The following MROH2A variants were observed in gnomAD, a reference collection of about 807,000 sequenced individuals.
MROH2A encodes maestro heat-like repeat-containing protein family member 2A.
A neutral mutation model predicts 200.4 loss-of-function variants in MROH2A; 174 were observed. The ratio of observed to expected loss-of-function variants is 0.87; its 90% CI spans 0.77 to 0.98. The LOEUF (loss-of-function observed/expected upper bound fraction) is 0.98, where lower values mean the gene tolerates loss of function less well. MROH2A is among the 50% of genes least tolerant of loss of function. MROH2A has a pLI of 0.00. For synonymous variants in MROH2A, 829 were observed against 840.4 expected (o/e 0.99, Z 0.23); for missense variants, 2,045 against 2,139.6 (o/e 0.96, Z 0.87).
intron 27 of MROH2A, among the ~76,000 whole-genome samples, chr2:233,817,790 C>A (rs1357683157): frequency 6.6e-6 from 1 of 152,262 alleles, no homozygotes; most frequent in East Asian, 1.9e-4. Flanking sequence ...CCAGGGCCCA[C>A]AGATCCAGGC....
At chr2:233,809,416 C>A in intron 22 of MROH2A, 138 bp downstream of exon 22, 1 of 958,142 alleles carries the variant, frequency 1.0e-6, no homozygotes, top group Non-Finnish European at 1.5e-6. Context: ...CGTGGGAAGC[C>A]CATTGCCCAA....
At chr2:233,776,694 G>A (rs1366927507), upstream of MROH2A, among the ~76,000 whole-genome samples, 3 of 151,926 alleles carry the variant, frequency 2.0e-5, no homozygotes, top group African/African-American at 7.3e-5. Flanking sequence ...TTACACACTC[G>A]ACCTGTGTGT....
chr2:233,818,159 C>G (rs549203825), intron 28 of MROH2A, 34 bp downstream of exon 28: 1 of 1,547,714 alleles, frequency 6.5e-7, no homozygotes, highest in East Asian at 2.4e-5. Flanking sequence ...ACCAGCTCCT[C>G]TGGGAGGGAG....
rs1239864067 is a variant in MROH2A at position 233,800,206 on chromosome 2, C to T, written c.1451C>T (p.Thr484Ile). Reference protein sequence around the residue: ...VQLTLSTYKLTNRREKFYQRD... With the variant: ...VQLTLSTYKLINRREKFYQRD... ...GAATCCCTTGGTTCTTTCTTCCAGACAAATCGCCGGGAGAAGTTTTATCAG... is the reference window on the plus strand; with the variant it reads ...GAATCCCTTGGTTCTTTCTTCCAGATAAATCGCCGGGAGAAGTTTTATCAG... Residue 484 changes from threonine (T) to isoleucine (I), a missense_variant and splice_region_variant, in exon 14 of 42, where the codon ACA becomes ATA. Transcript: ENST00000389758. The T allele has an allele frequency of 9.1e-6, 14 of 1,545,560 alleles. No individual in the cohort carries two copies. The South Asian group carries it at 1.7e-4, about 19-fold the overall frequency.
chr2:233,833,072 A>G, intron 41 of MROH2A, 66 bp from the exon 42 acceptor site: 1 of 1,465,242 alleles, frequency 6.8e-7, no homozygotes, highest in Non-Finnish European at 9.0e-7. Context: ...ATCACTGCCC[A>G]GGGCATGCAG....
At chr2:233,802,516 A>C (rs997483584) in intron 15 of MROH2A, 3 of 603,250 alleles carry the variant, frequency 5.0e-6, no homozygotes, top group African/African-American at 1.8e-5. Context: ...AATTGTGTAA[A>C]CTTCCTTTGG....
At chr2:233,784,461 A>G (rs1020887245) in intron 3 of MROH2A, among the ~76,000 whole-genome samples, 1 of 152,196 alleles carries the variant, frequency 6.6e-6, no homozygotes, top group Admixed American at 6.5e-5. Flanking sequence ...AAAATATGGT[A>G]TATTCTGGAG....
At chr2:233,779,901 A>G in intron 3 of MROH2A, 49 bp downstream of exon 3, 1 of 1,422,316 alleles carries the variant, frequency 7.0e-7, no homozygotes. Flanking sequence ...CTCTGTGTGC[A>G]TCCATCCACC....
At chr2:233,803,989 A>C in intron 16 of MROH2A, 62 bp from the exon 17 acceptor site, 1 of 1,526,980 alleles carries the variant, frequency 6.5e-7, no homozygotes, top group Non-Finnish European at 8.8e-7. Flanking sequence ...GAGGACAAAG[A>C]GCTCCAAGAC....
chr2:233,833,036 C>A (rs2124942749), intron 41 of MROH2A, 102 bp from the exon 42 acceptor site: 1 of 1,392,990 alleles, frequency 7.2e-7, no homozygotes. Context: ...TCTGCCCCTG[C>A]CCACCTTCTG....
chr2:233,794,539 G>A (rs1441672418), intron 8 of MROH2A, 33 bp downstream of exon 8: 1 of 1,203,744 alleles, frequency 8.3e-7, no homozygotes, highest in Non-Finnish European at 1.2e-6. Flanking sequence ...CTCTGGGCAG[G>A]AGGCTTAGGG....
intron 31 of MROH2A, 38 bp from the exon 32 acceptor site, chr2:233,822,086 C>T (rs1265078407): frequency 1.3e-6 from 2 of 1,529,766 alleles, no homozygotes; most frequent in Admixed American, 2.0e-5. Context: ...GGGCACATGC[C>T]AGGAAACTCA....
Position 233,822,418 on chromosome 2 carries a change from C to T in MROH2A, c.3728C>T (p.Pro1243Leu), listed in dbSNP as rs922644797. ...AAGCTGGATGAGAATGACAAGCTCC[C>T]GGACTTCCTCCCTGACCTCATCTAC... Reference protein sequence around the residue: ...IQKLDENDKLPDFLPDLIYTL... With the variant: ...IQKLDENDKLLDFLPDLIYTL... The change falls in exon 33 of 42, where the codon CCG becomes CTG. Residue 1243 changes from proline to leucine, a missense_variant. By Grantham distance (98) the Pro-to-Leu change is moderately conservative (BLOSUM62 -3). Around this residue, in one of 3 missense-constraint regions of MROH2A, gnomAD observed 1,201 missense variants for 1,311.3 expected, o/e 0.92. Transcript: ENST00000389758. 14 of 1,547,896 alleles carry T rather than the reference C, an allele frequency of 9.0e-6. No individual in the cohort carries two copies. In the African/African-American group the frequency reaches 9.7e-5, roughly 11 times the overall value.
rs754762706 is a variant in MROH2A, at chr2:233,804,181, G to A, written c.1880G>A (p.Arg627Gln). Residue 627 changes from arginine (R) to glutamine (Q), a missense_variant, in exon 17 of 42, where the codon CGG becomes CAG. This residue lies in a region of MROH2A where 13 missense variants were observed against 28.3 expected (regional missense o/e 0.46). Coordinates refer to ENST00000389758, the MANE Select transcript of MROH2A (RefSeq NM_001394639.1). ...MWELEIALLVRYLEEHTEFTW... is the reference protein window; with the variant it reads ...MWELEIALLVQYLEEHTEFTW... ...GAGCTGGAGATTGCGCTACTGGTCC[G>A]GTACCTGGAAGGTGAGGTTCCTGGG... 5.8e-5 allele frequency: 90 copies of A among 1,550,384 alleles called. No homozygotes were observed. Among genetic ancestry groups the A allele is most frequent in the Non-Finnish European group, 7.3e-5 (84 of 1,146,980 alleles).
intron 3 of MROH2A, among the ~76,000 whole-genome samples, chr2:233,785,310 T>G (rs1184927951): frequency 6.6e-6 from 1 of 151,328 alleles, no homozygotes; most frequent in Non-Finnish European, 1.5e-5. Context: ...TCTAAAAAAA[T>G]TAATTAATTG....
At chr2:233,796,542 G>T (rs892746100) in intron 11 of MROH2A, among the ~76,000 whole-genome samples, 1 of 152,014 alleles carries the variant, frequency 6.6e-6, no homozygotes, top group South Asian at 2.1e-4. Flanking sequence ...TTGTTAACCC[G>T]AATCCTCCTG....
At chr2:233,801,365 G>A (rs967775069) in intron 14 of MROH2A, among the ~76,000 whole-genome samples, 4 of 152,142 alleles carry the variant, frequency 2.6e-5, no homozygotes, top group African/African-American at 4.8e-5. Flanking sequence ...GGTGTTGAAC[G>A]GTCACCCAGG....
chr2:233,810,592 G>A (rs1026316974), intron 22 of MROH2A, among the ~76,000 whole-genome samples: 5 of 152,192 alleles, frequency 3.3e-5, no homozygotes, highest in Non-Finnish European at 7.3e-5. Context: ...TCGTATCCCC[G>A]CCATGTGCCT....
intron 39 of MROH2A, among the ~76,000 whole-genome samples, chr2:233,831,861 A>C (rs1202202809): frequency 6.6e-6 from 1 of 152,226 alleles, no homozygotes; most frequent in Non-Finnish European, 1.5e-5. Flanking sequence ...ATATTTTACA[A>C]TTTTTGGGGT....
Sources: gnomAD v4.1 joint callset for allele counts (sites outside exome capture counted in the v4.1 genomes callset) on GRCh38, gnomAD v4.1.1 for gene constraint, gnomAD v4.1.1 regional missense constraint, MANE v1.5 for transcripts, NCBI Gene and HGNC (gene_info 2026-07-23, HGNC 2026-07-21) for gene names.